SHCBP1L: variants seen among roughly 807,000 people sequenced by gnomAD.
The protein encoded by SHCBP1L is SHC binding and spindle associated 1 like.
Under a neutral mutation model 62.5 loss-of-function variants are expected in SHCBP1L, and 67 were observed. The observed-to-expected ratio is 1.07, with a 90% CI of 0.88 to 1.31. The LOEUF is 1.31. SHCBP1L is among the 40% of genes most tolerant of loss of function. The pLI, the probability that SHCBP1L is intolerant of heterozygous loss-of-function variation, is 0.00. For missense variants in SHCBP1L, 823 were observed against 809.8 expected (o/e 1.02, Z -0.20); for synonymous variants, 284 against 289.4 (o/e 0.98, Z 0.19).
chr1:182,933,570 A>C (rs1651076686), intron 5 of SHCBP1L, among the ~76,000 whole-genome samples: 1 of 151,628 alleles, frequency 6.6e-6, no homozygotes. Context: ...TTGTCATATG[A>C]TTTTTCTGTG....
intron 6 of SHCBP1L, among the ~76,000 whole-genome samples, chr1:182,908,850 C>T (rs889852739): frequency 9.9e-5 from 15 of 152,136 alleles, no homozygotes; most frequent in Admixed American, 4.6e-4. Context: ...TAAGAATGCT[C>T]GTTTTGTCAT....
intron 5 of SHCBP1L, among the ~76,000 whole-genome samples, chr1:182,930,330 T>G (rs1356923290): frequency 1.3e-5 from 2 of 151,938 alleles, no homozygotes; most frequent in Admixed American, 1.3e-4. Context: ...CTTTTCTTTA[T>G]GTTTCCTGTT....
At chr1:182,940,933 C>T (rs1419031663) in intron 2 of SHCBP1L, among the ~76,000 whole-genome samples, 1 of 152,002 alleles carries the variant, frequency 6.6e-6, no homozygotes, top group Non-Finnish European at 1.5e-5. Flanking sequence ...GCACACTAAT[C>T]CTTGAATTCC....
chr1:182,941,078 A>G (rs1349445860), intron 2 of SHCBP1L, among the ~76,000 whole-genome samples: 1 of 152,100 alleles, frequency 6.6e-6, no homozygotes, highest in Non-Finnish European at 1.5e-5. Flanking sequence ...ATAATAAATC[A>G]TAATTATAAG....
intron 2 of SHCBP1L, chr1:182,950,730 G>A (rs568525002): frequency 6.6e-6 from 1 of 151,572 alleles, no homozygotes; most frequent in Admixed American, 6.6e-5. Context: ...TAAAGGCTTG[G>A]AAGATATTAT....
At chr1:182,911,929 G>A (rs1227810282) in intron 6 of SHCBP1L, among the ~76,000 whole-genome samples, 1 of 152,022 alleles carries the variant, frequency 6.6e-6, no homozygotes. Flanking sequence ...GAGAGAAAAG[G>A]GTGTGCTGTT....
intron 2 of SHCBP1L, chr1:182,942,435 T>C: frequency 2.9e-6 from 2 of 688,962 alleles, no homozygotes; most frequent in Non-Finnish European, 5.4e-6. Flanking sequence ...GCCGGGTGCC[T>C]GCGGGCCGTG....
chr1:182,900,051 T>G lies in SHCBP1L; in HGVS notation c.1894A>C (p.Asn632His), dbSNP rs767460692. The stretch of plus-strand genomic sequence containing the variant: ...ATCTTATTATTATTCATTTCCAGAT[T>G]CAGATTTTGCATTACTTTGAAGAGC... ...KMLFKVMQNL[N>H]LEMNNNKIEA... Residue 632 changes from asparagine to histidine, a missense_variant, in exon 10 of 10, where the codon AAT (asparagine) becomes CAT (histidine). Coordinates refer to ENST00000367547, the MANE Select transcript of SHCBP1L (RefSeq NM_030933.4). 2.5e-6 allele frequency: 4 copies of G among 1,613,366 alleles called. No individual in the cohort carries two copies. Among genetic ancestry groups the G allele is most frequent in the Non-Finnish European group, 2.5e-6 (3 of 1,179,598 alleles).
At chr1:182,924,986 AAG>A (rs1650692482) in intron 6 of SHCBP1L, among the ~76,000 whole-genome samples, 1 of 111,276 alleles carries the variant, frequency 9.0e-6, no homozygotes, top group Admixed American at 8.6e-5. Flanking sequence ...AAAAAAAAGG[AAG>A]AAGGAAAGGA....
At chr1:182,909,041 G>A (rs1231481180) in intron 6 of SHCBP1L, among the ~76,000 whole-genome samples, 1 of 152,088 alleles carries the variant, frequency 6.6e-6, no homozygotes, top group Non-Finnish European at 1.5e-5. Context: ...ACTCATTTGT[G>A]CAGGTATTAC....
intron 2 of SHCBP1L, among the ~76,000 whole-genome samples, chr1:182,943,964 TA>T (rs773919067): frequency 9.8e-5 from 14 of 143,488 alleles, no homozygotes; most frequent in Non-Finnish European, 2.1e-4. Flanking sequence ...TACTAAAAAA[TA>T]CAAAAATTAG....
chr1:182,908,847 G>A (rs1455300823), intron 6 of SHCBP1L, among the ~76,000 whole-genome samples: 2 of 152,152 alleles, frequency 1.3e-5, no homozygotes, highest in Admixed American at 6.5e-5. Context: ...GGTTAAGAAT[G>A]CTCGTTTTGT....
intron 6 of SHCBP1L, among the ~76,000 whole-genome samples, chr1:182,915,026 G>A (rs1303808130): frequency 6.6e-6 from 1 of 151,508 alleles, no homozygotes; most frequent in East Asian, 1.9e-4. Context: ...AAATTAGCCA[G>A]GCATGGTGGT....
intron 6 of SHCBP1L, among the ~76,000 whole-genome samples, chr1:182,928,074 A>G (rs1258161502): frequency 6.6e-6 from 1 of 152,204 alleles, no homozygotes; most frequent in Non-Finnish European, 1.5e-5. Context: ...TGATTGAATA[A>G]TATGCTCCAA....
chr1:182,922,026 C>A (rs1312640869), intron 6 of SHCBP1L, among the ~76,000 whole-genome samples: 1 of 152,066 alleles, frequency 6.6e-6, no homozygotes, highest in Admixed American at 6.6e-5. Context: ...GACTCCTAAA[C>A]CAAGAATGAT....
intron 6 of SHCBP1L, among the ~76,000 whole-genome samples, chr1:182,914,099 T>C (rs1241557586): frequency 6.6e-6 from 1 of 152,136 alleles, no homozygotes; most frequent in Non-Finnish European, 1.5e-5. Context: ...TGCTTTCTCA[T>C]CAGAAACCAT....
intron 2 of SHCBP1L, among the ~76,000 whole-genome samples, chr1:182,946,591 C>T (rs2101958767): frequency 6.6e-6 from 1 of 152,316 alleles, no homozygotes; most frequent in East Asian, 1.9e-4. Flanking sequence ...CCACCCTTAA[C>T]CATGCTCCTC....
chr1:182,934,873 A>T lies in SHCBP1L; in HGVS notation c.1076+4303T>A, dbSNP rs562905281. Among the ~76,000 whole-genome samples, 10 of 152,208 alleles carry T rather than the reference A, an allele frequency of 6.6e-5. No individual in the cohort carries two copies. The South Asian group carries it at 1.9e-3, about 28-fold the overall frequency. On this transcript the variant is annotated intron_variant, in intron 5 of 9. Transcript: ENST00000367547. ...TCTGTATCTAGGTTCACGTTTTTGG[A>T]TATAGATATTCAATTATTCCAGCAC...
In SHCBP1L at chr1:182,924,891, CAA is replaced by C. The variant is rs1303005406; in HGVS notation, c.1182+4754_1182+4755del. Among the ~76,000 whole-genome samples the C allele has an allele frequency of 3.9e-4, 31 of 78,754 alleles. No individual in the cohort carries two copies. The South Asian group carries it at 9.7e-3, about 25-fold the overall frequency. The allele number at this position is 78,754 out of a possible 152,430, so 51.7% of individuals were successfully genotyped here. On this transcript the variant is annotated intron_variant, in intron 6 of 9. Transcript: ENST00000367547. Reference sequence around the variant, plus strand: ...AGGAAAGAAGGAAGGAAGGGAAAGACAAAGAGAGAGAGAGAAAGAAAGGAAAG... The same window carrying C: ...AGGAAAGAAGGAAGGAAGGGAAAGACAGAGAGAGAGAGAAAGAAAGGAAAG...
Sources: gnomAD v4.1 joint callset for allele counts (sites outside exome capture counted in the v4.1 genomes callset) on GRCh38, gnomAD v4.1.1 for gene constraint, MANE v1.5 for transcripts, NCBI Gene and HGNC (gene_info 2026-07-23, HGNC 2026-07-21) for gene names.